Variants in ARHGAP39 observed in about 807,000 individuals in gnomAD.
The protein encoded by ARHGAP39 is rho GTPase-activating protein 39.
A neutral mutation model predicts 106.9 loss-of-function variants in ARHGAP39; 44 were observed. The observed-to-expected ratio is 0.41, with a 90% CI of 0.32 to 0.53. The LOEUF (loss-of-function observed/expected upper bound fraction) is 0.53. Among genes scored for constraint, ARHGAP39 ranks in the 20% least tolerant of loss-of-function variants. ARHGAP39 has a pLI of 0.21. For missense variants in ARHGAP39, 1,496 were observed against 1,577.3 expected (o/e 0.95, Z 0.87); for synonymous variants, 768 against 693.2 (o/e 1.11, Z -1.69).
In ARHGAP39 at chr8:144,605,640, G is replaced by A; in HGVS notation, c.-26C>T. ...CGCTGTTTGCTTCCGCGCCCACGTG[G>A]ACAGACGTCAGGGCACCATACGCAC... On this transcript the variant is annotated 5_prime_UTR_variant, in exon 2 of 12. Transcript: ENST00000377307. The A allele has an allele frequency of 6.2e-7, 1 of 1,610,446 alleles. No individual in the cohort carries two copies. The highest frequency in any genetic ancestry group is 8.5e-7 in the Non-Finnish European group (1 of 1,179,050).
chr8:144,677,535 CA>C (rs1476397940), intron 1 of ARHGAP39, among the ~76,000 whole-genome samples: 1 of 152,194 alleles, frequency 6.6e-6, no homozygotes, highest in Non-Finnish European at 1.5e-5. Context: ...TTGCTGGTAA[CA>C]GCATGAAAAT....
At position 144,547,497 on chromosome 8, in the gene ARHGAP39, C is replaced by T. The variant is rs970153694; in HGVS notation, c.1589G>A (p.Gly530Glu). 2.6e-6 allele frequency: 4 copies of T among 1,510,870 alleles called. No individual in the cohort carries two copies. The highest frequency in any genetic ancestry group is 3.5e-6 in the Non-Finnish European group (4 of 1,133,532). 93.6% of individuals were successfully genotyped at this position (1,510,870 alleles called of 1,614,324 possible). A position where few individuals can be genotyped will look rare whatever the true frequency, so the allele number is the denominator to read the frequency against. Reference protein sequence around the residue: ...QPLAEEQPPCGTSLAPVKRAE... With the variant: ...QPLAEEQPPCETSLAPVKRAE... Reference sequence around the variant, plus strand: ...TCGCTTCACGGGGGCGAGGCTGGTCCCGCACGGGGGCTGTTCCTCGGCCAG... The same window carrying T: ...TCGCTTCACGGGGGCGAGGCTGGTCTCGCACGGGGGCTGTTCCTCGGCCAG... The change falls in exon 5 of 12, where the codon GGG becomes GAG. Residue 530 changes from glycine (G) to glutamate (E), a missense_variant. Gly to Glu is a moderately conservative substitution (Grantham distance 98, BLOSUM62 -2). Around this residue, in one of 4 missense-constraint regions of ARHGAP39, gnomAD observed 905 missense variants for 816.4 expected, o/e 1.11. Coordinates refer to ENST00000377307, the MANE Select transcript of ARHGAP39 (RefSeq NM_025251.3). This position sits in a 1 kb window ranked among gnomAD's most constrained non-coding sequence, Gnocchi z 5.2.
intron 2 of ARHGAP39, among the ~76,000 whole-genome samples, chr8:144,581,587 T>G (rs1818993994): frequency 6.6e-6 from 1 of 152,210 alleles, no homozygotes; most frequent in Non-Finnish European, 1.5e-5. Flanking sequence ...ACAACCTCAC[T>G]GCCCACTGCT....
intron 2 of ARHGAP39, among the ~76,000 whole-genome samples, chr8:144,590,401 G>A (rs762530937): frequency 6.6e-6 from 1 of 152,212 alleles, no homozygotes. Flanking sequence ...TCATGGCTCA[G>A]TGCCGTCTTC....
At chr8:144,552,278 A>C (rs544362336) in intron 4 of ARHGAP39, among the ~76,000 whole-genome samples, 67 of 152,338 alleles carry the variant, frequency 4.4e-4, no homozygotes, top group African/African-American at 1.4e-3. Flanking sequence ...CGCTGCACAA[A>C]ACCAAAGCAA....
chr8:144,541,814 C>T lies in ARHGAP39; in HGVS notation c.2521+3435G>A, dbSNP rs377743347. ...TTTTAGTTATAAGAGCTGCTGTGAACGAGGTGTACAAATCACCATTACAGT... is the reference window on the plus strand; with the variant it reads ...TTTTAGTTATAAGAGCTGCTGTGAATGAGGTGTACAAATCACCATTACAGT... On this transcript the variant is annotated intron_variant, in intron 6 of 11. Coordinates refer to ENST00000377307, the MANE Select transcript of ARHGAP39 (RefSeq NM_025251.3). Among the ~76,000 whole-genome samples the T allele has an allele frequency of 9.0e-4, 137 of 152,276 alleles. 1 individual carries two copies. Among genetic ancestry groups the T allele is most frequent in the Middle Eastern group, 3.4e-3 (1 of 294 alleles).
chr8:144,579,607 C>A (rs1246273096), intron 3 of ARHGAP39, among the ~76,000 whole-genome samples: 1 of 152,172 alleles, frequency 6.6e-6, no homozygotes, highest in Non-Finnish European at 1.5e-5. Context: ...TCCTGCCAGA[C>A]CGGGTCCACG....
In ARHGAP39 at chr8:144,684,179, A is replaced by T. The variant is rs1822511603; in HGVS notation, c.-82+1507T>A. The stretch of plus-strand genomic sequence containing the variant: ...ACAGCTGGCTACACCAAGTGCAGGG[A>T]GCGAGGCGCCACCCCCATTCATTCA... On this transcript the variant is annotated intron_variant, in intron 1 of 11. Coordinates refer to ENST00000377307, the MANE Select transcript of ARHGAP39 (RefSeq NM_025251.3). This position sits in a 1 kb window ranked among gnomAD's most constrained non-coding sequence, Gnocchi z 4.4. 6.6e-6 allele frequency among the ~76,000 whole-genome samples: 1 copy of T among 152,178 alleles called. No homozygotes were observed. The highest frequency in any genetic ancestry group is 2.1e-4 in the South Asian group (1 of 4,828).
Position 144,538,121 on chromosome 8 carries a change from A to C in ARHGAP39, c.2522-308T>G, listed in dbSNP as rs984423398. 4.6e-5 allele frequency among the ~76,000 whole-genome samples: 7 copies of C among 152,232 alleles called. No individual in the cohort carries two copies. The South Asian group carries it at 1.4e-3, about 31-fold the overall frequency. On this transcript the variant is annotated intron_variant, in intron 6 of 11. Coordinates refer to ENST00000377307, the MANE Select transcript of ARHGAP39 (RefSeq NM_025251.3). ...GGCGCCTGGGGAGCAGGAGGAGAGC[A>C]GGCAGCTTCTGCCCTCTGGCTGGCA...
intron 1 of ARHGAP39, among the ~76,000 whole-genome samples, chr8:144,660,028 C>T (rs533766611): frequency 1.5e-4 from 23 of 152,304 alleles, no homozygotes; most frequent in Admixed American, 1.2e-3. Flanking sequence ...AATCACAATG[C>T]TCCTCCTCCC....
intron 2 of ARHGAP39, among the ~76,000 whole-genome samples, chr8:144,583,591 A>G (rs1216595230): frequency 6.6e-6 from 1 of 152,156 alleles, no homozygotes; most frequent in Non-Finnish European, 1.5e-5. Flanking sequence ...CACGACTTTG[A>G]GCACCATGGA....
chr8:144,617,208 A>G lies in ARHGAP39; in HGVS notation c.-81-11513T>C, dbSNP rs373759992. 3.9e-3 allele frequency among the ~76,000 whole-genome samples: 594 copies of G among 151,784 alleles called. 9 individuals carry two copies. Among genetic ancestry groups the G allele is most frequent in the African/African-American group, 0.013 (551 of 41,434 alleles). On this transcript the variant is annotated intron_variant, in intron 1 of 11. Coordinates refer to ENST00000377307, the MANE Select transcript of ARHGAP39 (RefSeq NM_025251.3). ...GGCGACAGAGCGAGACTCTGTGTAA[A>G]AAAAAAAAAACACCAAAAAAACAAA...
At chr8:144,681,272 A>C (rs1445235149) in intron 1 of ARHGAP39, among the ~76,000 whole-genome samples, 1 of 152,180 alleles carries the variant, frequency 6.6e-6, no homozygotes, top group Non-Finnish European at 1.5e-5. Flanking sequence ...TTGAAGCAAG[A>C]AAGGTAACGA....
At chr8:144,597,711 T>C (rs1489378172) in intron 2 of ARHGAP39, among the ~76,000 whole-genome samples, 1 of 152,026 alleles carries the variant, frequency 6.6e-6, no homozygotes, top group African/African-American at 2.4e-5. Context: ...AGAAAATACG[T>C]GAAGAATTTC....
At chr8:144,578,032 A>C (rs1028496912) in intron 3 of ARHGAP39, among the ~76,000 whole-genome samples, 3 of 152,178 alleles carry the variant, frequency 2.0e-5, no homozygotes, top group Non-Finnish European at 4.4e-5. Context: ...CCAATCCCCA[A>C]ATTCTTGTGG....
At chr8:144,596,616 C>T (rs1226017092) in intron 2 of ARHGAP39, among the ~76,000 whole-genome samples, 1 of 152,208 alleles carries the variant, frequency 6.6e-6, no homozygotes, top group Non-Finnish European at 1.5e-5. Flanking sequence ...AGCCCTGCAA[C>T]GGTGAGCACG....
chr8:144,574,149 G>GAA (rs35193383), intron 3 of ARHGAP39, among the ~76,000 whole-genome samples: 2,893 of 107,202 alleles, frequency 0.027, 151 homozygotes, highest in African/African-American at 0.1. Flanking sequence ...CTGGGTGACA[G>GAA]AAAAAAAAAA....
chr8:144,681,728 C>A (rs568940994), intron 1 of ARHGAP39, among the ~76,000 whole-genome samples: 9 of 152,302 alleles, frequency 5.9e-5, no homozygotes, highest in African/African-American at 2.2e-4. Flanking sequence ...AAAAATCTAT[C>A]TTAGGCTATT....
At chr8:144,560,918 A>G (rs576253454) in intron 3 of ARHGAP39, among the ~76,000 whole-genome samples, 32 of 152,360 alleles carry the variant, frequency 2.1e-4, no homozygotes, top group African/African-American at 6.7e-4. Context: ...TGACCCTTAC[A>G]CTAACGTATG....
Sources: allele counts gnomAD v4.1 joint callset (sites outside exome capture counted in the v4.1 genomes callset), GRCh38; gene constraint gnomAD v4.1.1; regional missense constraint gnomAD v4.1.1; non-coding constraint Gnocchi (gnomAD v3.1); transcripts MANE v1.5; gene names NCBI Gene and HGNC (gene_info 2026-07-23, HGNC 2026-07-21).